The following UGT2A2 variants were observed in gnomAD, a reference collection of about 807,000 sequenced individuals.
The protein encoded by UGT2A2 is UDP glucuronosyltransferase family 2 member A2.
A neutral mutation model predicts 50.7 loss-of-function variants in UGT2A2; 60 were observed. The observed-to-expected ratio is 1.18, with a 90% CI of 0.96 to 1.47. UGT2A2 has a LOEUF of 1.47. Ranked by LOEUF, UGT2A2 falls within the 40% of genes most tolerant of loss-of-function variation. The probability of loss-of-function intolerance (pLI) is 0.00; values close to 1 mark genes in which losing one functional copy is unlikely to be tolerated. For synonymous variants in UGT2A2, 242 were observed against 214.6 expected, an observed-to-expected ratio of 1.13 and a Z score of -1.11; for missense variants, 762 against 634.0, an observed-to-expected ratio of 1.20 and a Z score of -2.17.
chr4:69,594,564 G>A lies in UGT2A2; in HGVS notation c.1244C>T (p.Ala415Val), dbSNP rs2109880028. Reference protein sequence around the residue: ...DQPDNIAHMKAKGAAVEVNLN... With the variant: ...DQPDNIAHMKVKGAAVEVNLN... ...GTTCACTTCCACAGCTGCTCCTTTG[G>A]CCTTCATGTGAGCAATGTTATCAGG... Residue 415 changes from alanine to valine, a missense_variant, in exon 5 of 6, where the codon GCC (alanine) becomes GTC (valine). Ala to Val is a moderately conservative substitution (Grantham distance 64). Coordinates refer to ENST00000604629, the MANE Select transcript of UGT2A2 (RefSeq NM_001105677.2). The A allele has an allele frequency of 1.2e-6, 2 of 1,614,044 alleles. No homozygotes were observed. The highest frequency in any genetic ancestry group is 1.7e-6 in the Non-Finnish European group (2 of 1,180,028).
chr4:69,607,779 C>G (rs970372726), intron 1 of UGT2A2, among the ~76,000 whole-genome samples: 3 of 152,138 alleles, frequency 2.0e-5, no homozygotes, highest in Non-Finnish European at 4.4e-5. Flanking sequence ...AGACACTTCT[C>G]AAAAGAAGAC....
At chr4:69,595,425 T>G (rs981681690) in intron 3 of UGT2A2, among the ~76,000 whole-genome samples, 176 bp from the exon 4 acceptor site, 2 of 152,232 alleles carry the variant, frequency 1.3e-5, no homozygotes, top group Non-Finnish European at 1.5e-5. Context: ...TTTTGTAAAG[T>G]CTTGTACTAA....
At position 69,615,346 on chromosome 4, in the gene UGT2A2, C is replaced by T. The variant is rs1019416212; in HGVS notation, c.743-15952G>A. Reference sequence around the variant, plus strand: ...AATAAGACCTCAGAAGCACAGCCATCCAAAGCAAAAATGGACAGATGGGAT... The same window carrying T: ...AATAAGACCTCAGAAGCACAGCCATTCAAAGCAAAAATGGACAGATGGGAT... On this transcript the variant is annotated intron_variant, in intron 1 of 5. Coordinates refer to ENST00000604629, the MANE Select transcript of UGT2A2 (RefSeq NM_001105677.2). Among the ~76,000 whole-genome samples, 3 of 151,570 alleles carry T rather than the reference C, an allele frequency of 2.0e-5. 1 individual carries two copies. The highest frequency in any genetic ancestry group is 2.0e-4 in the Admixed American group (3 of 15,206).
At chr4:69,618,045 A>T (rs917830405) in intron 1 of UGT2A2, among the ~76,000 whole-genome samples, 25 of 152,040 alleles carry the variant, frequency 1.6e-4, no homozygotes, top group African/African-American at 6.0e-4. Context: ...TTTGTTTGAC[A>T]TCATTTAATT....
At chr4:69,620,365 G>C (rs978766140) in intron 1 of UGT2A2, among the ~76,000 whole-genome samples, 9 of 132,346 alleles carry the variant, frequency 6.8e-5, no homozygotes, top group Non-Finnish European at 1.2e-4. Context: ...AATCAGGAAG[G>C]CAATCCCATT....
chr4:69,593,971 T>C (rs1409534271), intron 5 of UGT2A2, among the ~76,000 whole-genome samples: 1 of 103,662 alleles, frequency 9.6e-6, no homozygotes, highest in Non-Finnish European at 2.1e-5. Flanking sequence ...TGAAGTCTTT[T>C]TTTTTGTTTG....
At chr4:69,638,434 G>A (rs1403397400) in intron 1 of UGT2A2, among the ~76,000 whole-genome samples, 2 of 152,108 alleles carry the variant, frequency 1.3e-5, no homozygotes, top group African/African-American at 4.8e-5. Flanking sequence ...AAGATAGAGA[G>A]ACAGTGAGAA....
chr4:69,638,337 ATG>A (rs1260265815), intron 1 of UGT2A2, among the ~76,000 whole-genome samples: 1 of 152,148 alleles, frequency 6.6e-6, no homozygotes, highest in Non-Finnish European at 1.5e-5. Context: ...CTCATAAGGA[ATG>A]TTTCATGCAA....
chr4:69,621,772 T>C (rs573886423), intron 1 of UGT2A2, among the ~76,000 whole-genome samples: 4 of 151,944 alleles, frequency 2.6e-5, no homozygotes, highest in African/African-American at 9.6e-5. Flanking sequence ...CAACGACAGA[T>C]TGGATAAAGA....
At chr4:69,607,629 G>A (rs888096955) in intron 1 of UGT2A2, among the ~76,000 whole-genome samples, 2 of 152,126 alleles carry the variant, frequency 1.3e-5, no homozygotes, top group African/African-American at 4.8e-5. Context: ...AGAGTGAACA[G>A]GCAACCTACA....
intron 1 of UGT2A2, among the ~76,000 whole-genome samples, chr4:69,616,816 C>T (rs1336726822): frequency 2.1e-5 from 3 of 144,884 alleles, no homozygotes; most frequent in Admixed American, 7.2e-5. Context: ...TTCTAAATTT[C>T]TCTGCCATTT....
intron 1 of UGT2A2, 99 bp downstream of exon 1, chr4:69,638,800 C>T (rs1445789399): frequency 2.4e-5 from 33 of 1,383,860 alleles, no homozygotes; most frequent in Non-Finnish European, 3.1e-5. Context: ...CCATTATCTT[C>T]AGCTCAGCAT....
At chr4:69,603,065 T>G (rs112985806) in intron 1 of UGT2A2, among the ~76,000 whole-genome samples, 2,107 of 133,776 alleles carry the variant, frequency 0.016, 511 homozygotes, top group African/African-American at 0.061. Flanking sequence ...AGACTCCATC[T>G]AAAAAAAATA....
At chr4:69,613,120 C>T (rs1021410305) in intron 1 of UGT2A2, among the ~76,000 whole-genome samples, 3 of 151,594 alleles carry the variant, frequency 2.0e-5, no homozygotes, top group Non-Finnish European at 2.9e-5. Context: ...AACCTGCATA[C>T]GAAAAAATGT....
intron 1 of UGT2A2, among the ~76,000 whole-genome samples, chr4:69,602,842 T>A (rs1394852619): frequency 7.4e-6 from 1 of 135,876 alleles, no homozygotes; most frequent in Non-Finnish European, 1.6e-5. Context: ...TAATTATGAA[T>A]CTTATTAAGG....
chr4:69,616,625 T>C (rs1234266476), intron 1 of UGT2A2, among the ~76,000 whole-genome samples: 3 of 152,066 alleles, frequency 2.0e-5, no homozygotes, highest in Middle Eastern at 6.8e-3. Flanking sequence ...AGCCACTGGC[T>C]TACCCATTCA....
At chr4:69,630,498 G>A (rs1166097778) in intron 1 of UGT2A2, among the ~76,000 whole-genome samples, 12 of 151,986 alleles carry the variant, frequency 7.9e-5, no homozygotes, top group African/African-American at 2.4e-4. Context: ...TTTGAATTTT[G>A]CAGATTCAAT....
chr4:69,608,342 T>TTCTC (rs1719800991), intron 1 of UGT2A2, among the ~76,000 whole-genome samples: 1 of 147,340 alleles, frequency 6.8e-6, no homozygotes, highest in African/African-American at 2.5e-5. Context: ...ACACTGCATG[T>TTCTC]TCTCACTCAT....
chr4:69,616,243 G>A (rs1577972541), intron 1 of UGT2A2, among the ~76,000 whole-genome samples: 1 of 151,950 alleles, frequency 6.6e-6, no homozygotes. Flanking sequence ...GTCTTGGGGG[G>A]TGGGGAGGGT....
Sources: gnomAD v4.1 joint callset for allele counts (sites outside exome capture counted in the v4.1 genomes callset) on GRCh38, gnomAD v4.1.1 for gene constraint, MANE v1.5 for transcripts, NCBI Gene and HGNC (gene_info 2026-07-23, HGNC 2026-07-21) for gene names.